The following SYCP1 variants were observed in gnomAD, a reference collection of about 807,000 sequenced individuals.
SYCP1 encodes cancer/testis antigen 8.
A neutral mutation model predicts 153.1 loss-of-function variants in SYCP1; 64 were observed. The observed-to-expected ratio is 0.42, with a 90% CI of 0.34 to 0.51. The LOEUF (loss-of-function observed/expected upper bound fraction) is 0.51, where lower values mean the gene tolerates loss of function less well. SYCP1 is among the 20% of genes least tolerant of loss of function. The probability of loss-of-function intolerance (pLI) is 0.06; values close to 1 mark genes in which losing one functional copy is unlikely to be tolerated. For synonymous variants in SYCP1, 384 were observed against 341.8 expected (o/e 1.12, Z -1.36); for missense variants, 997 against 1,049.0 (o/e 0.95, Z 0.68).
At chr1:114,875,912 T>G (rs574539983) in intron 9 of SYCP1, among the ~76,000 whole-genome samples, 157 bp from the exon 10 acceptor site, 5 of 152,308 alleles carry the variant, frequency 3.3e-5, no homozygotes, top group Admixed American at 3.3e-4. Context: ...TCTTAATACA[T>G]TTTTAGTAAG....
At chr1:114,979,251 T>C (rs1262281694) in intron 28 of SYCP1, among the ~76,000 whole-genome samples, 1 of 151,668 alleles carries the variant, frequency 6.6e-6, no homozygotes, top group African/African-American at 2.4e-5. Flanking sequence ...TTCAATTTTC[T>C]CATCTATAAA....
chr1:114,960,503 G>T (rs1671721813), intron 27 of SYCP1, among the ~76,000 whole-genome samples: 1 of 152,142 alleles, frequency 6.6e-6, no homozygotes, highest in Non-Finnish European at 1.5e-5. Flanking sequence ...CACAGTGGTT[G>T]TACTAATTTA....
intron 3 of SYCP1, among the ~76,000 whole-genome samples, chr1:114,856,921 C>CAAAAAAAAAAAAAAAA (rs758650224): frequency 5.4e-5 from 2 of 37,290 alleles, no homozygotes; most frequent in Non-Finnish European, 9.3e-5. Flanking sequence ...CCTGTCTGTA[C>CAAAAAAAAAAAAAAAA]AAAAAAAAAA....
intron 30 of SYCP1, among the ~76,000 whole-genome samples, chr1:114,993,120 T>C (rs1674037183): frequency 6.6e-6 from 1 of 151,576 alleles, no homozygotes; most frequent in African/African-American, 2.4e-5. Flanking sequence ...TGGAGACTCA[T>C]GATGAATAAT....
At chr1:114,984,582 T>G in intron 29 of SYCP1, 143 bp from the exon 30 acceptor site, 1 of 498,334 alleles carries the variant, frequency 2.0e-6, no homozygotes. Flanking sequence ...TATCCAAAAT[T>G]TTTGCCTCAT....
intron 27 of SYCP1, among the ~76,000 whole-genome samples, chr1:114,973,010 G>A (rs958938178): frequency 6.6e-6 from 1 of 152,080 alleles, no homozygotes; most frequent in African/African-American, 2.4e-5. Flanking sequence ...GTAGAGCCCT[G>A]GGGCCTGTGT....
intron 21 of SYCP1, among the ~76,000 whole-genome samples, chr1:114,924,951 G>T (rs977085408): frequency 6.6e-6 from 1 of 152,034 alleles, no homozygotes; most frequent in Admixed American, 6.6e-5. Flanking sequence ...CCATTTTAAA[G>T]GGCTTACAAT....
At chr1:114,952,907 T>C (rs1479189021) in intron 27 of SYCP1, among the ~76,000 whole-genome samples, 2 of 152,190 alleles carry the variant, frequency 1.3e-5, no homozygotes, top group Non-Finnish European at 2.9e-5. Flanking sequence ...TGAGACTGGG[T>C]AATTTATAAA....
At chr1:114,963,744 G>A (rs560034796) in intron 27 of SYCP1, among the ~76,000 whole-genome samples, 2 of 152,286 alleles carry the variant, frequency 1.3e-5, no homozygotes, top group Admixed American at 6.5e-5. Flanking sequence ...TGGTGTATAT[G>A]TGCCACATTT....
In SYCP1 at chr1:114,994,979, GA is replaced by G. The variant is rs748774371; in HGVS notation, c.2901del (p.Lys967AsnfsTer2). The part of the protein sequence containing the change: ...DRWAVIAKMD[R>X]KKKLKEAEKL... ...TGGGCTGTAATTGCTAAAATGGATA[GA>G]AAAAAAAAACTAAAAGAAGCTGAAA... is the stretch of plus-strand genomic sequence containing the variant. On this transcript the variant is annotated frameshift_variant, in exon 32 of 32. Coordinates refer to ENST00000369522, the MANE Select transcript of SYCP1 (RefSeq NM_003176.4). LOFTEE classifies it high-confidence loss of function. The G allele has an allele frequency of 7.7e-4, 1,083 of 1,404,510 alleles. 6 individuals carry two copies. Among genetic ancestry groups the G allele is most frequent in the South Asian group, 4.3e-3 (333 of 77,044 alleles). 87.0% of individuals were successfully genotyped at this position (1,404,510 alleles called of 1,614,324 possible).
chr1:114,902,744 C>A (rs981789047), intron 16 of SYCP1, among the ~76,000 whole-genome samples: 1 of 142,776 alleles, frequency 7.0e-6, no homozygotes, highest in African/African-American at 3.1e-5. Context: ...TACTTGTTAG[C>A]TATATGATCA....
chr1:114,907,842 A>G (rs779568159), intron 16 of SYCP1, among the ~76,000 whole-genome samples: 1 of 152,008 alleles, frequency 6.6e-6, no homozygotes, highest in Non-Finnish European at 1.5e-5. Flanking sequence ...CGGCCTCCCT[A>G]TTTATGTCCT....
chr1:114,923,646 A>AT (rs1669054256), intron 21 of SYCP1, 116 bp downstream of exon 21: 2 of 1,065,592 alleles, frequency 1.9e-6, no homozygotes, highest in African/African-American at 3.3e-5. Context: ...AGTGATCTAG[A>AT]GACTGTCATC....
intron 30 of SYCP1, among the ~76,000 whole-genome samples, chr1:114,993,278 G>C (rs1346820528): frequency 6.6e-6 from 1 of 151,508 alleles, no homozygotes; most frequent in Non-Finnish European, 1.5e-5. Flanking sequence ...ATTGAATTCT[G>C]TTGAAATCTT....
chr1:114,854,696 C>T (rs190558900), upstream of SYCP1: 6 of 152,336 alleles, frequency 3.9e-5, no homozygotes, highest in East Asian at 1.2e-3. Flanking sequence ...GTTTCCCTAG[C>T]ATTCTTTGAC....
intron 16 of SYCP1, among the ~76,000 whole-genome samples, chr1:114,904,847 G>T (rs1456389386): frequency 2.0e-5 from 3 of 152,112 alleles, no homozygotes; most frequent in African/African-American, 7.2e-5. Flanking sequence ...CAGGTTTTTT[G>T]TAGAAAGTTC....
intron 23 of SYCP1, among the ~76,000 whole-genome samples, chr1:114,929,598 AAGT>A (rs1557809080): frequency 3.9e-5 from 6 of 152,064 alleles, no homozygotes. Context: ...AATATAAGAC[AAGT>A]AGTATTATTA....
chr1:114,859,837 CT>C, intron 7 of SYCP1, 27 bp downstream of exon 7: 1 of 643,904 alleles, frequency 1.6e-6, no homozygotes, highest in Non-Finnish European at 2.2e-6. Context: ...TGAATTTGTT[CT>C]TTTCACATTT....
In SYCP1 at chr1:114,988,133, G is replaced by A. The variant is rs193255863; in HGVS notation, c.2703+3265G>A. ...GAAAAGAAAAGTGAACAGAGCCTCA[G>A]AGTCTTGTAGCACACCATCAGCTGG... On this transcript the variant is annotated intron_variant, in intron 30 of 31. Coordinates refer to ENST00000369522, the MANE Select transcript of SYCP1 (RefSeq NM_003176.4). Among the ~76,000 whole-genome samples the A allele has an allele frequency of 1.6e-3, 240 of 149,778 alleles. 1 individual carries two copies. The highest frequency in any genetic ancestry group is 5.6e-3 in the African/African-American group (227 of 40,706).
Sources: gnomAD v4.1 joint callset for allele counts (sites outside exome capture counted in the v4.1 genomes callset) on GRCh38, gnomAD v4.1.1 for gene constraint, MANE v1.5 for transcripts, NCBI Gene and HGNC (gene_info 2026-07-23, HGNC 2026-07-21) for gene names.